TPH1: variants seen among roughly 807,000 people sequenced by gnomAD.
The protein encoded by TPH1 is tryptophan 5-hydroxylase 1.
A neutral mutation model predicts 49.5 loss-of-function variants in TPH1; 37 were observed. That is an observed-to-expected ratio of 0.75 (90% CI 0.58 to 0.98). The LOEUF (loss-of-function observed/expected upper bound fraction) is 0.98, where lower values mean the gene tolerates loss of function less well. TPH1 is among the 50% of genes least tolerant of loss of function. TPH1 has a pLI of 0.00. For synonymous variants in TPH1, 160 were observed against 182.1 expected (o/e 0.88, Z 0.98); for missense variants, 487 against 523.6 (o/e 0.93, Z 0.68).
intron 2 of TPH1, 92 bp from the exon 3 acceptor site, chr11:18,036,234 T>G: frequency 1.1e-6 from 1 of 944,918 alleles, no homozygotes; most frequent in East Asian, 2.6e-5. Flanking sequence ...AAAAATCAGA[T>G]TCACACTTCT....
In TPH1 at chr11:18,021,009, G is replaced by A; in HGVS notation, c.1317C>T (p.Ser439=). Residue 439 remains serine (S), a synonymous_variant, in exon 11 of 11, where the codon AGC becomes AGT. Transcript: ENST00000682019. ...GCTACTGTTAGATACTCGGCTTCCT[G>A]CTGACCTTAGCAAGGGCATCACTGA... ...DVVSDALAKV[S]RKPSI is the part of the protein sequence containing the mutation. The A allele has an allele frequency of 6.2e-7, 1 of 1,613,918 alleles. No individual in the cohort carries two copies. The highest frequency in any genetic ancestry group is 2.2e-5 in the East Asian group (1 of 44,876).
chr11:18,021,077 T>A lies in TPH1; in HGVS notation c.1249A>T (p.Ile417Leu). Residue 417 changes from isoleucine to leucine, a missense_variant, in exon 11 of 11, where the codon ATA (isoleucine) becomes TTA (leucine). Physicochemically the swap from Ile to Leu is conservative, Grantham distance 5. Transcript: ENST00000682019. Reference sequence around the variant, plus strand: ...TGCAGCTCATTCATGGCACTGGTTATGCTCTTGGTGTCTTTCAGGATCTGA... The same window carrying A: ...TGCAGCTCATTCATGGCACTGGTTAAGCTCTTGGTGTCTTTCAGGATCTGA... The part of the protein sequence containing the change: ...SIQILKDTKS[I>L]TSAMNELQHD... 6.2e-7 allele frequency: 1 copy of A among 1,614,174 alleles called. No homozygotes were observed. Among genetic ancestry groups the A allele is most frequent in the East Asian group, 2.2e-5 (1 of 44,878 alleles).
At chr11:18,022,473 G>GT (rs1854374240) in intron 10 of TPH1, among the ~76,000 whole-genome samples, 1 of 152,162 alleles carries the variant, frequency 6.6e-6, no homozygotes, top group African/African-American at 2.4e-5. Context: ...TGTTTCATCT[G>GT]TATCTCTCCA....
chr11:18,022,032 C>A (rs1007172243), intron 10 of TPH1, among the ~76,000 whole-genome samples: 2 of 152,170 alleles, frequency 1.3e-5, no homozygotes, highest in Non-Finnish European at 2.9e-5. Context: ...CTAATGGTTT[C>A]TCTGAAAGAC....
chr11:18,037,560 T>G (rs1848058711), intron 2 of TPH1, among the ~76,000 whole-genome samples: 1 of 152,134 alleles, frequency 6.6e-6, no homozygotes, highest in African/African-American at 2.4e-5. Context: ...TCTTATAAAT[T>G]TTTACATTAA....
intron 3 of TPH1, 79 bp downstream of exon 3, chr11:18,035,880 T>A: frequency 8.3e-7 from 1 of 1,207,540 alleles, no homozygotes; most frequent in Non-Finnish European, 1.2e-6. Flanking sequence ...ATTATTTTAA[T>A]GTCTTCAAGA....
chr11:18,031,841 T>A (rs1847992108), intron 4 of TPH1, among the ~76,000 whole-genome samples: 1 of 152,196 alleles, frequency 6.6e-6, no homozygotes. Flanking sequence ...CTTTCTCTGA[T>A]CTCTTCAGCT....
Position 18,026,607 on chromosome 11 carries a change from A to T in TPH1, c.686T>A (p.Ile229Asn), listed in dbSNP as rs1424685530. Residue 229 changes from isoleucine (I) to asparagine (N), a missense_variant, in exon 7 of 11, where the codon ATC becomes AAC. Coordinates refer to ENST00000682019, the MANE Select transcript of TPH1 (RefSeq NM_004179.3). The stretch of plus-strand genomic sequence containing the variant: ...TGATAAGTAACCAGCCACAGGACGG[A>T]TGGAAAAACCTGTACGCTCTGCAAA... ...NFLKERTGFS[I>N]RPVAGYLSPR... is the part of the protein sequence containing the mutation. 6.2e-7 allele frequency: 1 copy of T among 1,614,108 alleles called. No individual in the cohort carries two copies. Among genetic ancestry groups the T allele is most frequent in the African/African-American group, 1.3e-5 (1 of 75,046 alleles).
intron 3 of TPH1, 24 bp downstream of exon 3, chr11:18,035,935 A>T (rs777189858): frequency 1.3e-6 from 2 of 1,574,788 alleles, no homozygotes; most frequent in Non-Finnish European, 1.7e-6. Context: ...TCTTCTAAGT[A>T]GTATTTTCAC....
Position 18,031,821 on chromosome 11 carries a change from G to A in TPH1, c.402+1453C>T, listed in dbSNP as rs144424226. ...TCCTGAAATCTTTTAAGGCCCAATTGAAATGTCGCCTTTCTCTGATCTCTT... is the reference window on the plus strand; with the variant it reads ...TCCTGAAATCTTTTAAGGCCCAATTAAAATGTCGCCTTTCTCTGATCTCTT... On this transcript the variant is annotated intron_variant, in intron 4 of 10. Transcript: ENST00000682019. Among the ~76,000 whole-genome samples, 529 of 152,164 alleles carry A rather than the reference G, an allele frequency of 3.5e-3. 2 individuals carry two copies. Among genetic ancestry groups the A allele is most frequent in the African/African-American group, 0.012 (507 of 41,488 alleles).
intron 3 of TPH1, among the ~76,000 whole-genome samples, chr11:18,035,691 G>A (rs555240136): frequency 7.9e-5 from 12 of 152,160 alleles, no homozygotes; most frequent in Non-Finnish European, 1.5e-4. Flanking sequence ...TTGCCAAAGT[G>A]CGGGGATTAC....
intron 1 of TPH1, chr11:18,042,385 A>G (rs897467401): frequency 2.2e-6 from 1 of 454,776 alleles, no homozygotes; most frequent in Non-Finnish European, 4.4e-6. Context: ...CCACTCAAAG[A>G]TTGACTTTTC....
Position 18,037,958 on chromosome 11 carries a change from G to A in TPH1, c.118-1816C>T, listed in dbSNP as rs989475074. ...GTAATCCTGTTGCCCAAGAAAGGAA[G>A]AGTCACAAAGGTGGATACTAAGGCT... On this transcript the variant is annotated intron_variant, in intron 2 of 10. Transcript: ENST00000682019. 2.6e-5 allele frequency among the ~76,000 whole-genome samples: 4 copies of A among 152,278 alleles called. No homozygotes were observed. In the East Asian group the frequency reaches 7.7e-4, roughly 29 times the overall value.
intron 8 of TPH1, among the ~76,000 whole-genome samples, chr11:18,024,978 T>C (rs887069035): frequency 6.6e-6 from 1 of 152,170 alleles, no homozygotes; most frequent in African/African-American, 2.4e-5. Flanking sequence ...CAGGAAACCT[T>C]CCCCAGGTTC....
chr11:18,026,116 C>T (rs1371336413), intron 7 of TPH1, among the ~76,000 whole-genome samples: 2 of 152,030 alleles, frequency 1.3e-5, no homozygotes, highest in Non-Finnish European at 2.9e-5. Context: ...TATTTTTCTC[C>T]ATGGGACTCA....
chr11:18,025,727 C>T (rs377555243), intron 7 of TPH1, 26 bp from the exon 8 acceptor site: 177 of 1,613,270 alleles, frequency 1.1e-4, no homozygotes, highest in Admixed American at 1.7e-4. Flanking sequence ...AAGTTTGTCA[C>T]GCTGCAGTGC....
Position 18,025,806 on chromosome 11 carries a change from A to T in TPH1, c.804-105T>A, listed in dbSNP as rs548936272. The T allele has an allele frequency of 8.0e-6, 12 of 1,501,628 alleles. No individual in the cohort carries two copies. In the South Asian group the frequency reaches 1.4e-4, roughly 17 times the overall value. 93.0% of individuals were successfully genotyped at this position (1,501,628 alleles called of 1,614,324 possible). On this transcript the variant is annotated intron_variant, in intron 7 of 10. Transcript: ENST00000682019. ...AATATTTTATTCTAATGATCGGGTGATAATACTTTAGTAATGGATCACAAA... is the reference window on the plus strand; with the variant it reads ...AATATTTTATTCTAATGATCGGGTGTTAATACTTTAGTAATGGATCACAAA...
At chr11:18,044,189 C>T (rs1007640888) in intron 1 of TPH1, among the ~76,000 whole-genome samples, 3 of 152,020 alleles carry the variant, frequency 2.0e-5, no homozygotes, top group Admixed American at 1.3e-4. Context: ...TTTAGGAGGC[C>T]GAGGCGGGCG....
chr11:18,042,171 A>C (rs575591610), intron 1 of TPH1, among the ~76,000 whole-genome samples: 55 of 152,020 alleles, frequency 3.6e-4, no homozygotes, highest in African/African-American at 1.3e-3. Context: ...CTGAGAAAGG[A>C]TTTATGGATG....
Sources: allele counts gnomAD v4.1 joint callset (sites outside exome capture counted in the v4.1 genomes callset), GRCh38; gene constraint gnomAD v4.1.1; transcripts MANE v1.5; gene names NCBI Gene and HGNC (gene_info 2026-07-23, HGNC 2026-07-21).